ATAD2B: variants seen among roughly 807,000 people sequenced by gnomAD.
ATAD2B encodes ATPase family AAA domain containing 2B.
ATAD2B carries 40 observed loss-of-function variants against 167.6 expected under a neutral mutation model. The observed-to-expected ratio is 0.24, with a 90% CI of 0.19 to 0.31. The LOEUF (loss-of-function observed/expected upper bound fraction) is 0.31, where lower values mean the gene tolerates loss of function less well. Among genes scored for constraint, ATAD2B ranks in the 10% least tolerant of loss-of-function variants. ATAD2B has a pLI of 1.00. For synonymous variants in ATAD2B, 579 were observed against 596.5 expected (o/e 0.97, Z 0.43); for missense variants, 1,242 against 1,757.2 (o/e 0.71, Z 5.24).
intron 18 of ATAD2B, among the ~76,000 whole-genome samples, chr2:23,803,304 A>G (rs928944308): frequency 1.4e-5 from 2 of 147,358 alleles, no homozygotes; most frequent in Non-Finnish European, 3.0e-5. Flanking sequence ...GCTCAGTAAC[A>G]TATGTGTGTA....
chr2:23,910,192 T>TTTTTTG (rs1702078306), intron 1 of ATAD2B, among the ~76,000 whole-genome samples: 1 of 149,986 alleles, frequency 6.7e-6, no homozygotes, highest in Non-Finnish European at 1.5e-5. Context: ...TTTTTTTTTT[T>TTTTTTG]TTTAGACAAG....
At chr2:23,816,808 A>AGAAAATT (rs1365359627) in intron 17 of ATAD2B, among the ~76,000 whole-genome samples, 1 of 152,212 alleles carries the variant, frequency 6.6e-6, no homozygotes, top group East Asian at 1.9e-4. Context: ...AAAGTAAGAA[A>AGAAAATT]GAAAATTTAT....
intron 1 of ATAD2B, among the ~76,000 whole-genome samples, chr2:23,925,263 T>C (rs1447150901): frequency 9.2e-5 from 14 of 152,140 alleles, no homozygotes; most frequent in Admixed American, 9.2e-4. Context: ...AATAGTCTAT[T>C]AAATAGGACG....
chr2:23,694,045 G>A, the ATAD2B span, among the ~76,000 whole-genome samples: 1 of 152,194 alleles, frequency 6.6e-6, no homozygotes, highest in African/African-American at 2.4e-5. Flanking sequence ...TCAGAGGTAG[G>A]AAGTTAGATG....
At chr2:23,901,719 C>A (rs1700864159) in intron 1 of ATAD2B, among the ~76,000 whole-genome samples, 2 of 152,040 alleles carry the variant, frequency 1.3e-5, no homozygotes, top group Non-Finnish European at 1.5e-5. Context: ...TGCTGCAAAA[C>A]TTCTAAGAGT....
At chr2:23,694,700 C>T in the ATAD2B span, among the ~76,000 whole-genome samples, 1 of 152,180 alleles carries the variant, frequency 6.6e-6, no homozygotes. Context: ...ACACCATTCT[C>T]TTTCACTCTC....
intron 18 of ATAD2B, among the ~76,000 whole-genome samples, chr2:23,805,806 A>AAAAAAAAAAAC (rs1553396417): frequency 2.1e-5 from 3 of 145,702 alleles, no homozygotes; most frequent in Non-Finnish European, 4.5e-5. Context: ...AAAAAAAAAA[A>AAAAAAAAAAAC]AACAAATCTG....
chr2:23,730,931 A>G, the ATAD2B span, among the ~76,000 whole-genome samples: 1 of 150,902 alleles, frequency 6.6e-6, no homozygotes, highest in African/African-American at 2.4e-5. Flanking sequence ...ACTGATCAAG[A>G]AAAAAAAAGA....
chr2:23,708,721 T>G, the ATAD2B span: 1 of 152,206 alleles, frequency 6.6e-6, no homozygotes, highest in African/African-American at 2.4e-5. Flanking sequence ...GTGCAGAACT[T>G]AATGATTAGA....
chr2:23,897,630 C>T (rs1700308399), intron 1 of ATAD2B, among the ~76,000 whole-genome samples: 1 of 152,152 alleles, frequency 6.6e-6, no homozygotes, highest in Non-Finnish European at 1.5e-5. Flanking sequence ...ATTTCCTACT[C>T]TATTTATTTT....
intron 10 of ATAD2B, among the ~76,000 whole-genome samples, chr2:23,865,495 C>G (rs1023745557): frequency 6.7e-6 from 1 of 148,170 alleles, no homozygotes; most frequent in African/African-American, 2.5e-5. Flanking sequence ...CACCATTGCA[C>G]TACAGCCTGG....
intron 8 of ATAD2B, chr2:23,872,878 GTGCCTGCC>G: frequency 1.2e-6 from 1 of 821,724 alleles, no homozygotes; most frequent in Non-Finnish European, 2.2e-6. Flanking sequence ...CCATCTCACA[GTGCCTGCC>G]TGCCTGCCAC....
intron 22 of ATAD2B, among the ~76,000 whole-genome samples, chr2:23,768,651 TCCTCACAGC>T (rs1677818735): frequency 6.6e-6 from 1 of 152,096 alleles, no homozygotes; most frequent in South Asian, 2.1e-4. Flanking sequence ...CCTTCACCCT[TCCTCACAGC>T]CCTCTATTCC....
intron 2 of ATAD2B, 50 bp from the exon 3 acceptor site, chr2:23,888,449 T>A: frequency 8.4e-7 from 1 of 1,183,632 alleles, no homozygotes; most frequent in Non-Finnish European, 1.2e-6. Context: ...TTTGCTTATA[T>A]AAGCAAGAAA....
intron 13 of ATAD2B, among the ~76,000 whole-genome samples, chr2:23,836,295 A>C (rs1484588244): frequency 6.6e-6 from 1 of 152,180 alleles, no homozygotes; most frequent in African/African-American, 2.4e-5. Flanking sequence ...GCACACTGCA[A>C]GCAGCTTCCA....
At chr2:23,901,708 T>C (rs17711825) in intron 1 of ATAD2B, among the ~76,000 whole-genome samples, 18,599 of 152,120 alleles carry the variant, frequency 0.12, 1,222 homozygotes, top group Middle Eastern at 0.22. Context: ...CCAAGGCTTT[T>C]TGCTGCAAAA....
At chr2:23,879,616 T>C (rs1017483015) in intron 7 of ATAD2B, among the ~76,000 whole-genome samples, 1 of 152,038 alleles carries the variant, frequency 6.6e-6, no homozygotes, top group African/African-American at 2.4e-5. Context: ...AGATCCCTTC[T>C]CTAAAAGATA....
At chr2:23,795,836 G>A (rs1399860840) in intron 19 of ATAD2B, among the ~76,000 whole-genome samples, 20 of 150,916 alleles carry the variant, frequency 1.3e-4, no homozygotes, top group Admixed American at 6.6e-5. Context: ...CCAAGATCAC[G>A]CCACTACACT....
chr2:23,888,248 T>C, intron 3 of ATAD2B, 102 bp downstream of exon 3: 1 of 833,994 alleles, frequency 1.2e-6, no homozygotes, highest in Non-Finnish European at 1.9e-6. Context: ...TCCAACTGTA[T>C]GCTCAGCACA....
Sources: gnomAD v4.1 joint callset for allele counts (sites outside exome capture counted in the v4.1 genomes callset) on GRCh38, gnomAD v4.1.1 for gene constraint, MANE v1.5 for transcripts, NCBI Gene and HGNC (gene_info 2026-07-23, HGNC 2026-07-21) for gene names.